Variants in TRAPPC13 observed in about 807,000 individuals in gnomAD.
TRAPPC13 encodes REV7-interacting novel NHEJ regulator 1.
TRAPPC13 carries 39 observed loss-of-function variants against 54.0 expected under a neutral mutation model. That is an observed-to-expected ratio of 0.72 (90% confidence interval 0.56 to 0.94). TRAPPC13 has a LOEUF of 0.94. Among genes scored for constraint, TRAPPC13 ranks in the 40% least tolerant of loss-of-function variants. The pLI is 0.00. For synonymous variants in TRAPPC13, 148 were observed against 167.7 expected (o/e 0.88, Z 0.91); for missense variants, 386 against 488.1 (o/e 0.79, Z 1.97).
intron 4 of TRAPPC13, among the ~76,000 whole-genome samples, chr5:65,646,086 A>G (rs1418407001): frequency 6.6e-6 from 1 of 152,204 alleles, no homozygotes. Flanking sequence ...AGACAGAAAG[A>G]AACAGGTAAA....
At chr5:65,635,458 A>ACC in intron 2 of TRAPPC13, 89 bp downstream of exon 2, 1 of 1,014,764 alleles carries the variant, frequency 9.9e-7, no homozygotes, top group South Asian at 1.5e-5. Flanking sequence ...TAGCCCTGTA[A>ACC]ATTTTATGCT....
intron 11 of TRAPPC13, 122 bp from the exon 12 acceptor site, chr5:65,664,115 C>CT (rs1756940663): frequency 9.7e-7 from 1 of 1,034,678 alleles, no homozygotes. Context: ...TAGCTTTTCT[C>CT]TTTCTGGTTT....
chr5:65,659,221 G>C (rs941662802), intron 9 of TRAPPC13, among the ~76,000 whole-genome samples: 1 of 152,100 alleles, frequency 6.6e-6, no homozygotes, highest in Admixed American at 6.6e-5. Context: ...GGACTCAAAC[G>C]ATCTCCCAAG....
chr5:65,638,079 C>T (rs576499979), intron 4 of TRAPPC13, among the ~76,000 whole-genome samples: 1 of 146,134 alleles, frequency 6.8e-6, no homozygotes, highest in African/African-American at 2.5e-5. Context: ...GCCAAGATCA[C>T]GCCACTGCAC....
At chr5:65,650,749 G>GAA in intron 5 of TRAPPC13, 61 bp from the exon 6 acceptor site, 5 of 1,380,106 alleles carry the variant, frequency 3.6e-6, no homozygotes, top group Non-Finnish European at 5.1e-6. Context: ...ATTGAGGTGT[G>GAA]TTTGATTTAC....
At chr5:65,643,008 A>G (rs947689296) in intron 4 of TRAPPC13, among the ~76,000 whole-genome samples, 5 of 152,244 alleles carry the variant, frequency 3.3e-5, no homozygotes, top group Non-Finnish European at 7.3e-5. Flanking sequence ...CATTAAGACA[A>G]TATAATAAAT....
chr5:65,649,108 C>T (rs1042072920), intron 5 of TRAPPC13, among the ~76,000 whole-genome samples: 7 of 151,974 alleles, frequency 4.6e-5, no homozygotes, highest in Non-Finnish European at 8.8e-5. Flanking sequence ...CTCAGCTAGT[C>T]GGGAGACTGA....
At chr5:65,661,330 A>G (rs1179668495) in intron 10 of TRAPPC13, 1 of 153,098 alleles carries the variant, frequency 6.5e-6, no homozygotes, top group East Asian at 1.9e-4. Context: ...GAGTTCTACT[A>G]AAGTTATCTT....
At position 65,658,629 on chromosome 5, in the gene TRAPPC13, T is replaced by A. The variant is rs1445920812; in HGVS notation, c.698+128T>A. On this transcript the variant is annotated intron_variant, in intron 9 of 12. Coordinates refer to ENST00000399438, the MANE Select transcript of TRAPPC13 (RefSeq NM_024941.4). The stretch of plus-strand genomic sequence containing the variant: ...AAAGAATTTGAGGTTCATAGAAAAA[T>A]TCATCAGAAAGTAGAGTTTCCACAT... 4 of 739,994 alleles carry A rather than the reference T, an allele frequency of 5.4e-6. No individual in the cohort carries two copies. The African/African-American group carries it at 7.3e-5, about 14-fold the overall frequency. The allele number at this position is 739,994 out of a possible 1,614,324, so 45.8% of individuals were successfully genotyped here.
Position 65,629,497 on chromosome 5 carries a change from G to A in TRAPPC13, c.46+4391G>A, listed in dbSNP as rs1311187197. 3 of 1,434,686 alleles carry A rather than the reference G, an allele frequency of 2.1e-6. No homozygotes were observed. The African/African-American group carries it at 4.3e-5, about 21-fold the overall frequency. 88.9% of individuals were successfully genotyped at this position (1,434,686 alleles called of 1,614,324 possible). ...TGTTTCCCTCTGATTTGGCAAGAGA[G>A]ACAATCTTGCAATAATAAATTAACA... is the stretch of plus-strand genomic sequence containing the variant. On this transcript the variant is annotated intron_variant, in intron 1 of 12. Transcript: ENST00000399438.
chr5:65,651,863 T>TTTTTC (rs1561773618), intron 6 of TRAPPC13, among the ~76,000 whole-genome samples: 17 of 122,250 alleles, frequency 1.4e-4, no homozygotes, highest in African/African-American at 5.4e-4. Flanking sequence ...TTTTTTTTTT[T>TTTTTC]TTTTTTTTTT....
At position 65,664,278 on chromosome 5, in the gene TRAPPC13, A is replaced by G. The variant is rs756047457; in HGVS notation, c.1040A>G (p.Asn347Ser). The G allele has an allele frequency of 2.5e-6, 4 of 1,613,770 alleles. No individual in the cohort carries two copies. The Admixed American group carries it at 5.0e-5, about 20-fold the overall frequency. ...MDLVLEMCNT[N>S]SIHWCGISGR... is the part of the protein sequence containing the mutation. The stretch of plus-strand genomic sequence containing the variant: ...CTGGTTTTGGAAATGTGCAATACCA[A>G]TTCCATCCACTGGTGTGGAATTTCA... Residue 347 changes from asparagine (N) to serine (S), a missense_variant, in exon 12 of 13, where the codon AAT becomes AGT. Coordinates refer to ENST00000399438, the MANE Select transcript of TRAPPC13 (RefSeq NM_024941.4).
chr5:65,651,949 C>T (rs1356224214), intron 6 of TRAPPC13, among the ~76,000 whole-genome samples: 8 of 134,586 alleles, frequency 5.9e-5, no homozygotes, highest in South Asian at 2.5e-4. Context: ...CTGCAGCCTC[C>T]GCCTTGTGGG....
chr5:65,626,969 G>A (rs1257565721), intron 1 of TRAPPC13, among the ~76,000 whole-genome samples: 4 of 151,140 alleles, frequency 2.6e-5, no homozygotes, highest in Non-Finnish European at 4.4e-5. Flanking sequence ...GCGAAAACCC[G>A]TCTATACCAA....
rs569796975 is a variant in TRAPPC13 at position 65,627,291 on chromosome 5, G to A, written c.46+2185G>A. Among the ~76,000 whole-genome samples the A allele has an allele frequency of 3.3e-5, 5 of 152,134 alleles. No homozygotes were observed. The East Asian group carries it at 9.7e-4, about 29-fold the overall frequency. On this transcript the variant is annotated intron_variant, in intron 1 of 12. Transcript: ENST00000399438. ...CAACAATTTTCACACATTTCAATGT[G>A]CTGATGCTGAATGCCAAATGTATTA...
chr5:65,651,100 T>C (rs544521695), intron 6 of TRAPPC13, among the ~76,000 whole-genome samples: 3 of 152,294 alleles, frequency 2.0e-5, no homozygotes, highest in African/African-American at 7.2e-5. Context: ...GTAATGAAAC[T>C]TGAAGGTGTT....
At chr5:65,654,255 AT>A (rs1287800266) in intron 7 of TRAPPC13, among the ~76,000 whole-genome samples, 1 of 152,016 alleles carries the variant, frequency 6.6e-6, no homozygotes, top group Admixed American at 6.6e-5. Context: ...ACACCAATTG[AT>A]TTTTCATTAT....
intron 1 of TRAPPC13, chr5:65,630,358 C>A: frequency 1.4e-6 from 2 of 1,467,130 alleles, no homozygotes; most frequent in South Asian, 2.8e-5. Context: ...CACTGATTGT[C>A]AAAAAGAATA....
At chr5:65,651,048 G>A (rs1756411199) in intron 6 of TRAPPC13, among the ~76,000 whole-genome samples, 166 bp downstream of exon 6, 1 of 152,142 alleles carries the variant, frequency 6.6e-6, no homozygotes, top group Non-Finnish European at 1.5e-5. Context: ...ACTAAATTAA[G>A]GTGAATAAAA....
Sources: allele counts gnomAD v4.1 joint callset (sites outside exome capture counted in the v4.1 genomes callset), GRCh38; gene constraint gnomAD v4.1.1; transcripts MANE v1.5; gene names NCBI Gene and HGNC (gene_info 2026-07-23, HGNC 2026-07-21).